Variants in EFNA5 observed in about 807,000 individuals in gnomAD.
The protein encoded by EFNA5 is ephrin A5, also known as ephrin-A5.
A neutral mutation model predicts 22.9 loss-of-function variants in EFNA5; 5 were observed. That is an observed-to-expected ratio of 0.22 (90% CI 0.11 to 0.46). The LOEUF (loss-of-function observed/expected upper bound fraction) is 0.46. Among genes scored for constraint, EFNA5 ranks in the 20% least tolerant of loss-of-function variants. The pLI, the probability that EFNA5 is intolerant of heterozygous loss-of-function variation, is 0.99. For missense variants in EFNA5, 237 were observed against 293.3 expected, an observed-to-expected ratio of 0.81 and a Z score of 1.40; for synonymous variants, 113 against 112.2, an observed-to-expected ratio of 1.01 and a Z score of -0.04.
At chr5:107,487,827 T>A (rs1178811530) in intron 1 of EFNA5, among the ~76,000 whole-genome samples, 1 of 152,216 alleles carries the variant, frequency 6.6e-6, no homozygotes, top group Non-Finnish European at 1.5e-5. Context: ...AAGCACAGTG[T>A]TTGTATAACA....
intron 1 of EFNA5, among the ~76,000 whole-genome samples, chr5:107,587,868 T>G (rs180791): frequency 6.6e-6 from 1 of 152,014 alleles, no homozygotes; most frequent in African/African-American, 2.4e-5. Flanking sequence ...CTGGGGTCAC[T>G]ACTCCCTTAT....
intron 1 of EFNA5, among the ~76,000 whole-genome samples, chr5:107,639,699 C>T (rs1186132725): frequency 6.6e-6 from 1 of 152,040 alleles, no homozygotes; most frequent in Non-Finnish European, 1.5e-5. Flanking sequence ...TTAATAAGAG[C>T]AAGCGTTACC....
chr5:107,398,718 G>T (rs1747997073), intron 2 of EFNA5, among the ~76,000 whole-genome samples: 3 of 151,572 alleles, frequency 2.0e-5, no homozygotes, highest in Admixed American at 6.6e-5. Flanking sequence ...GGCCAGGTGT[G>T]GTGATGTGTA....
intron 1 of EFNA5, among the ~76,000 whole-genome samples, chr5:107,456,709 A>G (rs1047272435): frequency 6.6e-6 from 1 of 152,102 alleles, no homozygotes; most frequent in African/African-American, 2.4e-5. Context: ...GATGGGGCTG[A>G]TCTATACCCT....
intron 1 of EFNA5, among the ~76,000 whole-genome samples, chr5:107,618,447 T>G (rs1749968882): frequency 6.6e-6 from 1 of 152,248 alleles, no homozygotes; most frequent in African/African-American, 2.4e-5. Context: ...TCCTAGGGAC[T>G]GTAGCTATAT....
In EFNA5 at chr5:107,611,228, C is replaced by T. The variant is rs369235791; in HGVS notation, c.125+59261G>A. Among the ~76,000 whole-genome samples the T allele has an allele frequency of 2.8e-4, 42 of 152,146 alleles. No individual in the cohort carries two copies. The East Asian group carries it at 3.5e-3, about 13-fold the overall frequency. ...TGACATAAAAACCAAGCTGGAAATGCTATAGTTTAAGAAAAGCTACAAAAA... is the reference window on the plus strand; with the variant it reads ...TGACATAAAAACCAAGCTGGAAATGTTATAGTTTAAGAAAAGCTACAAAAA... On this transcript the variant is annotated intron_variant, in intron 1 of 4. Coordinates refer to ENST00000333274, the MANE Select transcript of EFNA5 (RefSeq NM_001962.3).
intron 2 of EFNA5, among the ~76,000 whole-genome samples, chr5:107,422,100 T>C (rs1167813693): frequency 1.3e-5 from 2 of 152,214 alleles, no homozygotes; most frequent in Non-Finnish European, 2.9e-5. Context: ...CCTCTTCTTT[T>C]AGTTGCTTAC....
At chr5:107,668,346 C>A (rs543564129) in intron 1 of EFNA5, among the ~76,000 whole-genome samples, 9 of 152,280 alleles carry the variant, frequency 5.9e-5, no homozygotes, top group African/African-American at 2.2e-4. Context: ...GCAGGCAGGG[C>A]AGATCTATTA....
chr5:107,482,968 G>A (rs892941313), intron 1 of EFNA5, among the ~76,000 whole-genome samples: 3 of 151,552 alleles, frequency 2.0e-5, no homozygotes, highest in African/African-American at 7.3e-5. Context: ...AAAGAGCACT[G>A]AGGCAGAGTG....
At chr5:107,639,660 T>A (rs1454487206) in intron 1 of EFNA5, among the ~76,000 whole-genome samples, 2 of 152,176 alleles carry the variant, frequency 1.3e-5, no homozygotes, top group Non-Finnish European at 2.9e-5. Flanking sequence ...TGGTAGCTGG[T>A]AGTAGTATTT....
intron 1 of EFNA5, among the ~76,000 whole-genome samples, chr5:107,497,822 T>A (rs1023521917): frequency 2.6e-5 from 4 of 152,282 alleles, no homozygotes; most frequent in African/African-American, 9.6e-5. Context: ...TGATGTTTTT[T>A]ATTTGCTATT....
intron 1 of EFNA5, among the ~76,000 whole-genome samples, chr5:107,630,450 A>G (rs534964634): frequency 6.6e-6 from 1 of 152,340 alleles, no homozygotes; most frequent in African/African-American, 2.4e-5. Flanking sequence ...AAATATTTGC[A>G]TATCTAAATG....
intron 2 of EFNA5, among the ~76,000 whole-genome samples, chr5:107,399,100 A>T (rs533405977): frequency 6.6e-6 from 1 of 152,250 alleles, no homozygotes; most frequent in Non-Finnish European, 1.5e-5. Context: ...GATATACAAA[A>T]TTCAAGTAGG....
intron 1 of EFNA5, among the ~76,000 whole-genome samples, chr5:107,513,704 T>C (rs1020311896): frequency 6.6e-6 from 1 of 152,224 alleles, no homozygotes; most frequent in South Asian, 2.1e-4. Flanking sequence ...AAGATGTTTC[T>C]GAACAGAAAG....
chr5:107,574,224 T>C (rs1268861399), intron 1 of EFNA5, among the ~76,000 whole-genome samples: 2 of 152,196 alleles, frequency 1.3e-5, no homozygotes, highest in African/African-American at 4.8e-5. Flanking sequence ...ACTCAGAGGA[T>C]TTTTACTCAT....
In EFNA5 at chr5:107,377,525, T is replaced by C. The variant is rs570065928; in HGVS notation, c.*3730A>G. On this transcript the variant is annotated 3_prime_UTR_variant, in exon 5 of 5. Transcript: ENST00000333274. ...GAAAGGAGGAGTTGAAAACTGTTTT[T>C]CTAATTATTTGAAAATAATACAAAT... 6.6e-6 allele frequency: 1 copy of C among 152,306 alleles called. No individual in the cohort carries two copies. Among genetic ancestry groups the C allele is most frequent in the South Asian group, 2.1e-4 (1 of 4,826 alleles). 9.4% of individuals were successfully genotyped at this position (152,306 alleles called of 1,614,324 possible). A position where few individuals can be genotyped will look rare whatever the true frequency, so the allele number is the denominator to read the frequency against.
At chr5:107,640,128 C>T (rs1750470821) in intron 1 of EFNA5, among the ~76,000 whole-genome samples, 1 of 152,118 alleles carries the variant, frequency 6.6e-6, no homozygotes, top group East Asian at 1.9e-4. Context: ...GAGGCTGAGA[C>T]TTAACGCCAT....
At chr5:107,596,413 G>T (rs1446886980) in intron 1 of EFNA5, among the ~76,000 whole-genome samples, 1 of 152,022 alleles carries the variant, frequency 6.6e-6, no homozygotes, top group Non-Finnish European at 1.5e-5. Context: ...TTTCCTGAAG[G>T]CTCATTTGAG....
At chr5:107,457,531 G>A (rs1448564914) in intron 1 of EFNA5, among the ~76,000 whole-genome samples, 1 of 152,008 alleles carries the variant, frequency 6.6e-6, no homozygotes, top group African/African-American at 2.4e-5. Flanking sequence ...GTATTGTTTA[G>A]AGAATAATGG....
Sources: gnomAD v4.1 joint callset for allele counts (sites outside exome capture counted in the v4.1 genomes callset) on GRCh38, gnomAD v4.1.1 for gene constraint, MANE v1.5 for transcripts, NCBI Gene and HGNC (gene_info 2026-07-23, HGNC 2026-07-21) for gene names.